SPOCK3: variants seen among roughly 807,000 people sequenced by gnomAD.
SPOCK3 encodes the protein SPARC (osteonectin), cwcv and kazal like domains proteoglycan 3, also known as testican-3.
In SPOCK3, 30 loss-of-function variants were observed where a neutral mutation model predicts 56.6. The ratio of observed to expected loss-of-function variants is 0.53; its 90% CI spans 0.40 to 0.72. The LOEUF (loss-of-function observed/expected upper bound fraction) is 0.72, where lower values mean the gene tolerates loss of function less well. SPOCK3 is among the 30% of genes least tolerant of loss of function. SPOCK3 has a pLI of 0.00. For missense variants in SPOCK3, 527 were observed against 530.0 expected (o/e 0.99, Z 0.06); for synonymous variants, 196 against 183.3 (o/e 1.07, Z -0.56).
chr4:166,964,451 T>C (rs1403921779), intron 4 of SPOCK3, among the ~76,000 whole-genome samples: 3 of 151,712 alleles, frequency 2.0e-5, no homozygotes, highest in Non-Finnish European at 3.0e-5. Flanking sequence ...CTTAGAAAAA[T>C]GGTAACTCAA....
chr4:167,070,741 G>GTTT (rs1485785085), intron 2 of SPOCK3, among the ~76,000 whole-genome samples: 3 of 151,894 alleles, frequency 2.0e-5, no homozygotes, highest in African/African-American at 7.2e-5. Flanking sequence ...TAGCATAACA[G>GTTT]TTAAGCCAAT....
chr4:166,942,224 A>AT (rs1741157087), intron 4 of SPOCK3, among the ~76,000 whole-genome samples: 1 of 151,338 alleles, frequency 6.6e-6, no homozygotes, highest in Non-Finnish European at 1.5e-5. Context: ...AATTTTTTTT[A>AT]TTTTTTAGAT....
intron 3 of SPOCK3, 32 bp from the exon 4 acceptor site, chr4:167,000,495 A>T: frequency 8.9e-7 from 1 of 1,121,562 alleles, no homozygotes; most frequent in Non-Finnish European, 1.3e-6. Context: ...TATTAAAATA[A>T]GCTTCTGTAA....
intron 8 of SPOCK3, among the ~76,000 whole-genome samples, chr4:166,743,591 A>G (rs1735158699): frequency 6.6e-6 from 1 of 152,184 alleles, no homozygotes; most frequent in Non-Finnish European, 1.5e-5. Context: ...TACTGGGTTC[A>G]TCTCATTGGG....
chr4:167,007,702 A>G (rs981505455), intron 3 of SPOCK3, among the ~76,000 whole-genome samples: 3 of 152,166 alleles, frequency 2.0e-5, no homozygotes, highest in Admixed American at 6.6e-5. Context: ...CAAGAAAAGT[A>G]TTGACTAGGC....
At chr4:166,778,724 CT>C (rs11462697) in intron 7 of SPOCK3, among the ~76,000 whole-genome samples, 33 of 148,346 alleles carry the variant, frequency 2.2e-4, no homozygotes, top group Admixed American at 4.7e-4. Context: ...GAATTCTAGA[CT>C]TTTTTTTTTT....
intron 3 of SPOCK3, among the ~76,000 whole-genome samples, chr4:167,061,227 A>G: frequency 6.6e-6 from 1 of 151,872 alleles, no homozygotes. Flanking sequence ...GCTAACACCC[A>G]TTTTACAAGG....
intron 2 of SPOCK3, among the ~76,000 whole-genome samples, chr4:167,176,836 G>T (rs545596676): frequency 3.7e-4 from 57 of 152,216 alleles, no homozygotes; most frequent in African/African-American, 1.3e-3. Flanking sequence ...GGTTCACGGG[G>T]GCAGAGAGAG....
chr4:167,153,560 G>A (rs1050494921), intron 2 of SPOCK3, among the ~76,000 whole-genome samples: 5 of 152,146 alleles, frequency 3.3e-5, no homozygotes, highest in Non-Finnish European at 7.3e-5. Context: ...AGTGGCTACA[G>A]TATTGGATAA....
intron 2 of SPOCK3, among the ~76,000 whole-genome samples, chr4:167,223,192 T>C (rs1291337896): frequency 1.5e-5 from 2 of 132,984 alleles, no homozygotes; most frequent in Admixed American, 8.0e-5. Flanking sequence ...ATTTTATATA[T>C]GAATAATGTA....
rs76007432 is a variant in SPOCK3 at position 167,072,771 on chromosome 4, A to G, written c.190-10234T>C. Among the ~76,000 whole-genome samples, 153 of 152,066 alleles carry G rather than the reference A, an allele frequency of 1.0e-3. 4 individuals carry two copies. In the East Asian group the frequency reaches 0.028, roughly 28 times the overall value. On this transcript the variant is annotated intron_variant, in intron 2 of 10. Coordinates refer to ENST00000357545, the MANE Select transcript of SPOCK3 (RefSeq NM_001040159.2). ...TTTAGAAAAAGTAATCACGATATGTATTCTGAAGCCAAGGAAAATAAGATT... is the reference window on the plus strand; with the variant it reads ...TTTAGAAAAAGTAATCACGATATGTGTTCTGAAGCCAAGGAAAATAAGATT...
intron 3 of SPOCK3, among the ~76,000 whole-genome samples, chr4:167,031,632 A>G (rs1752282948): frequency 6.6e-6 from 1 of 152,040 alleles, no homozygotes; most frequent in Admixed American, 6.6e-5. Context: ...TGAGCAAAGA[A>G]AAACTAGAGA....
At chr4:166,887,055 A>G (rs966450892) in intron 6 of SPOCK3, among the ~76,000 whole-genome samples, 3 of 152,116 alleles carry the variant, frequency 2.0e-5, no homozygotes, top group Admixed American at 6.5e-5. Context: ...TGATGATATG[A>G]CTTTTAAAAG....
chr4:166,808,603 G>A lies in SPOCK3; in HGVS notation c.590-16314C>T, dbSNP rs193257638. Reference sequence around the variant, plus strand: ...TAGAACAATGAGAAAAGACACTTCTGTTGTTTGTCATCCAGCCTATGGTAT... The same window carrying A: ...TAGAACAATGAGAAAAGACACTTCTATTGTTTGTCATCCAGCCTATGGTAT... On this transcript the variant is annotated intron_variant, in intron 6 of 10. Coordinates refer to ENST00000357545, the MANE Select transcript of SPOCK3 (RefSeq NM_001040159.2). 1.1e-3 allele frequency among the ~76,000 whole-genome samples: 166 copies of A among 152,154 alleles called. 1 individual carries two copies. The highest frequency in any genetic ancestry group is 3.9e-3 in the African/African-American group (160 of 41,542).
At chr4:167,070,602 T>G (rs1204535996) in intron 2 of SPOCK3, among the ~76,000 whole-genome samples, 1 of 151,904 alleles carries the variant, frequency 6.6e-6, no homozygotes, top group Non-Finnish European at 1.5e-5. Context: ...CTTGGATAAA[T>G]CATAAGGTAT....
intron 6 of SPOCK3, among the ~76,000 whole-genome samples, chr4:166,854,306 T>C (rs1303222007): frequency 6.6e-6 from 1 of 152,190 alleles, no homozygotes; most frequent in African/African-American, 2.4e-5. Context: ...TGGTAATCTG[T>C]ACACAATAAA....
intron 7 of SPOCK3, among the ~76,000 whole-genome samples, chr4:166,766,856 C>T (rs1453411898): frequency 2.0e-5 from 3 of 152,172 alleles, no homozygotes; most frequent in African/African-American, 4.8e-5. Flanking sequence ...ATTATTGCCT[C>T]AATTTCGGAA....
At chr4:166,908,272 T>TCACACA (rs5863846) in intron 5 of SPOCK3, among the ~76,000 whole-genome samples, 1,643 of 138,528 alleles carry the variant, frequency 0.012, 43 homozygotes, top group African/African-American at 0.04. Context: ...ATGTTATTGT[T>TCACACA]CACACACACA....
chr4:167,057,336 CA>C (rs1333494319), intron 3 of SPOCK3, among the ~76,000 whole-genome samples: 1 of 151,546 alleles, frequency 6.6e-6, no homozygotes, highest in Non-Finnish European at 1.5e-5. Context: ...AAAATCATGC[CA>C]AATTGTAAAG....
Sources: gnomAD v4.1 joint callset for allele counts (sites outside exome capture counted in the v4.1 genomes callset) on GRCh38, gnomAD v4.1.1 for gene constraint, MANE v1.5 for transcripts, NCBI Gene and HGNC (gene_info 2026-07-23, HGNC 2026-07-21) for gene names.